CPM: variants seen among roughly 807,000 people sequenced by gnomAD.
CPM encodes the protein carboxypeptidase M, also known as renal carboxypeptidase.
CPM carries 35 observed loss-of-function variants against 46.4 expected under a neutral mutation model. The ratio of observed to expected loss-of-function variants is 0.75; its 90% CI spans 0.58 to 1.00. The LOEUF is 1.00. Among genes scored for constraint, CPM ranks in the 50% least tolerant of loss-of-function variants. CPM has a pLI of 0.00. For missense variants in CPM, 422 were observed against 530.4 expected (o/e 0.80, Z 2.01); for synonymous variants, 195 against 195.3 (o/e 1.00, Z 0.01).
At chr12:68,926,587 G>C (rs1332382757) in intron 2 of CPM, among the ~76,000 whole-genome samples, 2 of 151,800 alleles carry the variant, frequency 1.3e-5, no homozygotes, top group Non-Finnish European at 2.9e-5. Flanking sequence ...TATACTTTAA[G>C]TTTTAGGGTA....
chr12:68,911,814 C>G (rs966276633), intron 2 of CPM: 1 of 152,128 alleles, frequency 6.6e-6, no homozygotes, highest in East Asian at 1.9e-4. Flanking sequence ...TAGGGTAAGA[C>G]AGTAGTTCAA....
intron 7 of CPM, among the ~76,000 whole-genome samples, chr12:68,861,397 G>A (rs1885205875): frequency 6.6e-6 from 1 of 152,160 alleles, no homozygotes; most frequent in African/African-American, 2.4e-5. Context: ...TTTCAGCAAG[G>A]TAACTTGTGC....
chr12:68,848,612 GA>G (rs1884489445), downstream of CPM: 1 of 152,170 alleles, frequency 6.6e-6, no homozygotes. Context: ...AGCCTTTTTA[GA>G]AAAAATTGCT....
chr12:68,849,382 G>A (rs7976483), downstream of CPM: 13,373 of 96,230 alleles, frequency 0.14, 2,006 homozygotes, highest in African/African-American at 0.41. Flanking sequence ...GAGCCACTGC[G>A]CCTGGCCGTT....
At chr12:68,911,498 T>C (rs940898880) in intron 2 of CPM, among the ~76,000 whole-genome samples, 2 of 152,096 alleles carry the variant, frequency 1.3e-5, no homozygotes, top group African/African-American at 4.8e-5. Flanking sequence ...ATTTACCTCA[T>C]AGGGTGTTGT....
chr12:68,951,571 A>G (rs540943347), intron 1 of CPM, among the ~76,000 whole-genome samples: 44 of 152,158 alleles, frequency 2.9e-4, no homozygotes, highest in Non-Finnish European at 5.1e-4. Flanking sequence ...AGAGGGTATT[A>G]TGTGTGCAAA....
At chr12:68,939,076 ATATG>A (rs1438144637) in intron 1 of CPM, among the ~76,000 whole-genome samples, 1 of 146,708 alleles carries the variant, frequency 6.8e-6, no homozygotes, top group Non-Finnish European at 1.5e-5. Flanking sequence ...ATACATCTAT[ATATG>A]TATACACATA....
chr12:68,867,145 T>C (rs1209505565), intron 6 of CPM, 97 bp from the exon 7 acceptor site: 2 of 1,204,554 alleles, frequency 1.7e-6, no homozygotes, highest in Non-Finnish European at 2.4e-6. Flanking sequence ...CAGCTACATG[T>C]AAACAGGAAA....
chr12:68,870,744 A>G lies in CPM; in HGVS notation c.432-345T>C, dbSNP rs61334472. On this transcript the variant is annotated intron_variant, in intron 4 of 8. Transcript: ENST00000551568. ...GAGTCCACGGAGAGTCCATGGCTCC[A>G]GGTAAATTGTCTCAGAAAGACCAGA... Among the ~76,000 whole-genome samples, 608 of 152,360 alleles carry G rather than the reference A, an allele frequency of 4.0e-3. 15 individuals are homozygous for G. In the East Asian group the frequency reaches 0.056, roughly 14 times the overall value.
chr12:68,859,741 C>T (rs1885128158), intron 7 of CPM, among the ~76,000 whole-genome samples: 1 of 152,186 alleles, frequency 6.6e-6, no homozygotes, highest in South Asian at 2.1e-4. Flanking sequence ...CCTCCTCAAA[C>T]TCACACAGCC....
chr12:68,962,210 A>AAAACAC (rs1555203343), intron 1 of CPM, among the ~76,000 whole-genome samples: 2 of 146,006 alleles, frequency 1.4e-5, no homozygotes, highest in African/African-American at 2.7e-5. Flanking sequence ...AAAAAAAAAA[A>AAAACAC]AAAAAAAACC....
chr12:68,909,280 T>C (rs1483047758), intron 2 of CPM, among the ~76,000 whole-genome samples: 2 of 152,194 alleles, frequency 1.3e-5, no homozygotes, highest in Non-Finnish European at 2.9e-5. Flanking sequence ...CTCCTGGCCC[T>C]GGCCTCAAAC....
intron 2 of CPM, among the ~76,000 whole-genome samples, chr12:68,924,129 G>A (rs1048264520): frequency 7.0e-6 from 1 of 142,082 alleles, no homozygotes; most frequent in Non-Finnish European, 1.5e-5. Context: ...GGGCTACATA[G>A]TGAGACACCT....
At chr12:68,937,381 A>G (rs1888688947), upstream of CPM, among the ~76,000 whole-genome samples, 1 of 152,198 alleles carries the variant, frequency 6.6e-6, no homozygotes, top group Non-Finnish European at 1.5e-5. Context: ...GATTGTCATA[A>G]CTAGGGATGG....
chr12:68,897,275 T>G (rs1259708087), intron 2 of CPM, among the ~76,000 whole-genome samples: 2 of 151,910 alleles, frequency 1.3e-5, no homozygotes, highest in African/African-American at 4.8e-5. Flanking sequence ...CTTTAGGTTT[T>G]TTTTTTTTTT....
intron 1 of CPM, among the ~76,000 whole-genome samples, chr12:68,944,735 A>G (rs964241333): frequency 1.3e-5 from 2 of 150,228 alleles, no homozygotes; most frequent in South Asian, 2.1e-4. Context: ...TTTTTAAATT[A>G]CAATAAAGAA....
chr12:68,913,885 G>T, intron 2 of CPM: 1 of 689,804 alleles, frequency 1.4e-6, no homozygotes, highest in East Asian at 2.7e-5. Flanking sequence ...CCAGTTCCTT[G>T]ACCTCAGTAT....
At chr12:68,868,648 G>T (rs1885562272) in intron 6 of CPM, among the ~76,000 whole-genome samples, 2 of 151,948 alleles carry the variant, frequency 1.3e-5, no homozygotes, top group Non-Finnish European at 1.5e-5. Context: ...ATCTCATCCT[G>T]TCCCTTACCC....
At chr12:68,882,050 A>G (rs1169034017) in intron 3 of CPM, among the ~76,000 whole-genome samples, 1 of 130,588 alleles carries the variant, frequency 7.7e-6, no homozygotes, top group Non-Finnish European at 1.7e-5. Flanking sequence ...TTTTTTTAAC[A>G]TTTATTTTAA....
Sources: gnomAD v4.1 joint callset for allele counts (sites outside exome capture counted in the v4.1 genomes callset) on GRCh38, gnomAD v4.1.1 for gene constraint, MANE v1.5 for transcripts, NCBI Gene and HGNC (gene_info 2026-07-23, HGNC 2026-07-21) for gene names.